CSMD3: variants seen among roughly 807,000 people sequenced by gnomAD.
CSMD3 encodes the protein CUB and Sushi multiple domains 3.
In CSMD3, 177 loss-of-function variants were observed where a neutral mutation model predicts 435.2. The ratio of observed to expected loss-of-function variants is 0.41; its 90% confidence interval spans 0.36 to 0.46. CSMD3 has a LOEUF of 0.46. Ranked by LOEUF, CSMD3 falls within the 20% of genes least tolerant of loss-of-function variation. The pLI is 0.34. For missense variants in CSMD3, 4,265 were observed against 4,504.6 expected (o/e 0.95, Z 1.52); for synonymous variants, 1,656 against 1,520.5 (o/e 1.09, Z -2.07).
intron 13 of CSMD3, among the ~76,000 whole-genome samples, chr8:112,702,106 G>A (rs1313976710): frequency 6.6e-6 from 1 of 152,028 alleles, no homozygotes; most frequent in African/African-American, 2.4e-5. Flanking sequence ...TGTATCCCAA[G>A]TGTCTAAACA....
intron 54 of CSMD3, among the ~76,000 whole-genome samples, chr8:112,293,845 A>G (rs1820006668): frequency 6.6e-6 from 1 of 152,154 alleles, no homozygotes; most frequent in Admixed American, 6.5e-5. Context: ...ATTATTTTTC[A>G]GCTGTATTGT....
intron 32 of CSMD3, among the ~76,000 whole-genome samples, chr8:112,432,922 A>T: frequency 6.6e-6 from 1 of 151,794 alleles, no homozygotes; most frequent in East Asian, 1.9e-4. Context: ...AAAAAAAAAA[A>T]AAGAGTTTGA....
At chr8:112,513,212 C>G (rs931932095) in intron 28 of CSMD3, among the ~76,000 whole-genome samples, 2 of 152,180 alleles carry the variant, frequency 1.3e-5, no homozygotes, top group Non-Finnish European at 2.9e-5. Flanking sequence ...ACATGGGTAA[C>G]TATTTGGTGC....
chr8:112,993,649 T>C (rs1180383337), intron 6 of CSMD3, among the ~76,000 whole-genome samples: 1 of 151,662 alleles, frequency 6.6e-6, no homozygotes, highest in African/African-American at 2.4e-5. Flanking sequence ...AACCCATAAA[T>C]TAACAAAGAA....
rs528446875 is a variant in CSMD3 at position 112,473,057 on chromosome 8, T to C, written c.5279-350A>G. Among the ~76,000 whole-genome samples, 8 of 152,346 alleles carry C rather than the reference T, an allele frequency of 5.3e-5. No homozygotes were observed. The South Asian group carries it at 1.7e-3, about 32-fold the overall frequency. On this transcript the variant is annotated intron_variant, in intron 31 of 70. Transcript: ENST00000297405. The stretch of plus-strand genomic sequence containing the variant: ...TACATATGCAAGTGGGAAATTGTTT[T>C]ACTTGCTGGCAGGCTTTGGAATTCT...
rs903255944 is a variant in CSMD3, at chr8:113,376,967, T to G, written c.178+59710A>C. Reference sequence around the variant, plus strand: ...GTTCAGGAGGTGCCCAAACTAAAGGTGTGTGCGCTGCGCATGACCAGCCGG... The same window carrying G: ...GTTCAGGAGGTGCCCAAACTAAAGGGGTGTGCGCTGCGCATGACCAGCCGG... On this transcript the variant is annotated intron_variant, in intron 1 of 70. Transcript: ENST00000297405. 8.1e-6 allele frequency: 11 copies of G among 1,351,520 alleles called. No individual in the cohort carries two copies. The Admixed American group carries it at 2.0e-4, about 24-fold the overall frequency. 83.7% of individuals were successfully genotyped at this position (1,351,520 alleles called of 1,614,324 possible). A position where few individuals can be genotyped will look rare whatever the true frequency, so the allele number is the denominator to read the frequency against.
chr8:112,388,936 T>C (rs1196953133), intron 36 of CSMD3, among the ~76,000 whole-genome samples: 2 of 152,020 alleles, frequency 1.3e-5, no homozygotes, highest in East Asian at 1.9e-4. Context: ...ATGTAGTAGA[T>C]ATAGAAGTAG....
intron 13 of CSMD3, among the ~76,000 whole-genome samples, chr8:112,791,284 T>C (rs2078682995): frequency 7.3e-6 from 1 of 137,048 alleles, no homozygotes; most frequent in Non-Finnish European, 1.5e-5. Context: ...ATTGTGCCAC[T>C]GCACTCCAAC....
intron 5 of CSMD3, among the ~76,000 whole-genome samples, chr8:113,056,103 A>G (rs1223253356): frequency 1.3e-5 from 2 of 152,204 alleles, no homozygotes; most frequent in East Asian, 3.8e-4. Context: ...TAATGATGAT[A>G]ACTCTTTTGG....
intron 32 of CSMD3, among the ~76,000 whole-genome samples, chr8:112,420,391 T>C (rs187307845): frequency 6.6e-6 from 1 of 152,148 alleles, no homozygotes; most frequent in Admixed American, 6.5e-5. Context: ...AGCCACAATA[T>C]AATTACCAGA....
At chr8:112,257,750 C>T (rs1204152332) in intron 61 of CSMD3, among the ~76,000 whole-genome samples, 4 of 152,134 alleles carry the variant, frequency 2.6e-5, no homozygotes, top group Non-Finnish European at 4.4e-5. Context: ...CAAGCTACCA[C>T]TGACTTTCTT....
chr8:112,427,467 C>T (rs536595733), intron 32 of CSMD3, among the ~76,000 whole-genome samples: 3 of 152,182 alleles, frequency 2.0e-5, no homozygotes, highest in Admixed American at 6.6e-5. Context: ...GCTGCCACCA[C>T]GTGAGGAAAG....
intron 11 of CSMD3, among the ~76,000 whole-genome samples, chr8:112,851,147 T>C (rs900305733): frequency 2.0e-5 from 3 of 152,140 alleles, no homozygotes; most frequent in Admixed American, 6.6e-5. Flanking sequence ...ATCAGTGCTC[T>C]CAAGAGCTGA....
At chr8:112,689,437 T>A (rs1367221721) in intron 14 of CSMD3, among the ~76,000 whole-genome samples, 3 of 152,024 alleles carry the variant, frequency 2.0e-5, no homozygotes, top group Admixed American at 2.0e-4. Flanking sequence ...GCATTAGTGT[T>A]AACATCTACA....
At chr8:112,901,879 G>A (rs537374643) in intron 10 of CSMD3, among the ~76,000 whole-genome samples, 1 of 151,462 alleles carries the variant, frequency 6.6e-6, no homozygotes, top group Admixed American at 6.6e-5. Context: ...TTCGGGTAAA[G>A]TTCAAAATGG....
intron 45 of CSMD3, 112 bp from the exon 46 acceptor site, chr8:112,320,093 C>T (rs1822853701): frequency 2.9e-6 from 2 of 700,572 alleles, no homozygotes; most frequent in Non-Finnish European, 2.5e-6. Flanking sequence ...AAATAAATTA[C>T]ATAATTTATC....
intron 22 of CSMD3, among the ~76,000 whole-genome samples, chr8:112,592,584 T>C (rs1350669109): frequency 6.6e-6 from 1 of 152,106 alleles, no homozygotes; most frequent in Non-Finnish European, 1.5e-5. Flanking sequence ...TGGAATTATA[T>C]TTTTGTGTGT....
chr8:112,597,649 C>T (rs1055836461), intron 22 of CSMD3, among the ~76,000 whole-genome samples: 6 of 129,576 alleles, frequency 4.6e-5, no homozygotes, highest in South Asian at 2.6e-4. Context: ...TCCAGTAGCA[C>T]ATCGAAAAGC....
chr8:113,117,306 T>C (rs1224622289), intron 4 of CSMD3, among the ~76,000 whole-genome samples: 1 of 152,176 alleles, frequency 6.6e-6, no homozygotes, highest in African/African-American at 2.4e-5. Context: ...GCTTGGGCCA[T>C]GGCTTCAGCA....
Sources: gnomAD v4.1 joint callset for allele counts (sites outside exome capture counted in the v4.1 genomes callset) on GRCh38, gnomAD v4.1.1 for gene constraint, MANE v1.5 for transcripts, NCBI Gene and HGNC (gene_info 2026-07-23, HGNC 2026-07-21) for gene names.